Variants in PIWIL4 observed in about 807,000 individuals in gnomAD.
The protein encoded by PIWIL4 is piwi like RNA-mediated gene silencing 4.
A neutral mutation model predicts 100.9 loss-of-function variants in PIWIL4; 50 were observed. That is an observed-to-expected ratio of 0.50 (90% CI 0.39 to 0.63). PIWIL4 has a LOEUF of 0.63. PIWIL4 is among the 20% of genes least tolerant of loss of function. The pLI is 0.00. For synonymous variants in PIWIL4, 342 were observed against 367.5 expected (o/e 0.93, Z 0.79); for missense variants, 887 against 1,043.3 (o/e 0.85, Z 2.06).
Position 94,595,310 on chromosome 11 carries a change from G to T in PIWIL4, c.1152G>T (p.Gly384=). The T allele has an allele frequency of 6.2e-7, 1 of 1,612,608 alleles. No individual in the cohort carries two copies. Among genetic ancestry groups the T allele is most frequent in the Non-Finnish European group, 8.5e-7 (1 of 1,178,832 alleles). ...HLIPELCFLT[G]LTDQATSDFQ... ...TTTGTCTTCATTTGCATTTAATAGGGCTGACTGACCAGGCAACATCTGATT... is the reference window on the plus strand; with the variant it reads ...TTTGTCTTCATTTGCATTTAATAGGTCTGACTGACCAGGCAACATCTGATT... Residue 384 remains glycine (G), a splice_region_variant and synonymous_variant, in exon 10 of 20, where the codon GGG becomes GGT. Coordinates refer to ENST00000299001, the MANE Select transcript of PIWIL4 (RefSeq NM_152431.3).
intron 5 of PIWIL4, among the ~76,000 whole-genome samples, chr11:94,583,810 G>T (rs1463365870): frequency 6.6e-6 from 1 of 152,182 alleles, no homozygotes; most frequent in African/African-American, 2.4e-5. Context: ...ATAATACGGG[G>T]ATTATTGCTG....
intron 2 of PIWIL4, 39 bp downstream of exon 2, chr11:94,568,847 C>G: frequency 2.6e-6 from 4 of 1,527,212 alleles, no homozygotes; most frequent in Non-Finnish European, 3.6e-6. Flanking sequence ...TACCATTCAA[C>G]CTGAATGGAG....
At chr11:94,587,952 T>A (rs1948426056) in intron 7 of PIWIL4, among the ~76,000 whole-genome samples, 1 of 152,240 alleles carries the variant, frequency 6.6e-6, no homozygotes, top group Non-Finnish European at 1.5e-5. Flanking sequence ...GAACACTTTT[T>A]AAAAATTTTT....
chr11:94,584,928 G>T (rs1948377843), intron 5 of PIWIL4, among the ~76,000 whole-genome samples: 1 of 152,180 alleles, frequency 6.6e-6, no homozygotes, highest in Non-Finnish European at 1.5e-5. Flanking sequence ...GCCGGGCGTG[G>T]TGGCGCTCTT....
At chr11:94,601,562 G>A (rs1401679611) in intron 11 of PIWIL4, among the ~76,000 whole-genome samples, 2 of 152,184 alleles carry the variant, frequency 1.3e-5, no homozygotes, top group East Asian at 1.9e-4. Flanking sequence ...AGGTTAAAGG[G>A]ACCTCCAAGG....
chr11:94,601,989 C>T lies in PIWIL4; in HGVS notation c.1565+10C>T. On this transcript the variant is annotated intron_variant, in intron 12 of 19. Transcript: ENST00000299001. Reference sequence around the variant, plus strand: ...TGGACTACCCCAAAATGTGAGAATACATTGAATTTTGTTCATATATTAATT... The same window carrying T: ...TGGACTACCCCAAAATGTGAGAATATATTGAATTTTGTTCATATATTAATT... The T allele has an allele frequency of 6.3e-7, 1 of 1,593,362 alleles. No individual in the cohort carries two copies. The highest frequency in any genetic ancestry group is 8.5e-7 in the Non-Finnish European group (1 of 1,172,732).
At chr11:94,579,407 A>G (rs993047877) in intron 4 of PIWIL4, among the ~76,000 whole-genome samples, 2 of 150,650 alleles carry the variant, frequency 1.3e-5, no homozygotes, top group African/African-American at 5.0e-5. Flanking sequence ...CAATGTTACA[A>G]TTACTACAAG....
intron 2 of PIWIL4, among the ~76,000 whole-genome samples, chr11:94,574,202 G>A (rs1165408159): frequency 6.6e-6 from 1 of 152,206 alleles, no homozygotes; most frequent in Non-Finnish European, 1.5e-5. Context: ...TAAGTGATAT[G>A]CCCTGAGGTG....
At chr11:94,603,189 T>C (rs991297399) in intron 12 of PIWIL4, among the ~76,000 whole-genome samples, 5 of 151,760 alleles carry the variant, frequency 3.3e-5, no homozygotes, top group Non-Finnish European at 5.9e-5. Flanking sequence ...GTCAGGACCA[T>C]CTAGTTGCTG....
chr11:94,577,589 A>G (rs1948256147), intron 4 of PIWIL4, 97 bp downstream of exon 4: 20 of 972,906 alleles, frequency 2.1e-5, no homozygotes, highest in Non-Finnish European at 2.6e-5. Flanking sequence ...GGAGATTCCA[A>G]AAGGTTTGTG....
chr11:94,609,083 C>T (rs927197306), intron 15 of PIWIL4, among the ~76,000 whole-genome samples: 1 of 152,196 alleles, frequency 6.6e-6, no homozygotes, highest in Non-Finnish European at 1.5e-5. Context: ...CTTACTTACT[C>T]TGTGACTGAG....
At chr11:94,596,118 C>G (rs927564644) in intron 10 of PIWIL4, among the ~76,000 whole-genome samples, 5 of 151,862 alleles carry the variant, frequency 3.3e-5, no homozygotes, top group Admixed American at 6.6e-5. Context: ...ATATTTAAAA[C>G]GTAATTTCAC....
chr11:94,589,338 C>G (rs1487774794), intron 8 of PIWIL4, 106 bp downstream of exon 8: 1 of 868,744 alleles, frequency 1.2e-6, no homozygotes, highest in Non-Finnish European at 1.8e-6. Context: ...AGTCTGCCTC[C>G]GACCTGATTC....
intron 5 of PIWIL4, among the ~76,000 whole-genome samples, chr11:94,584,652 C>T (rs573001632): frequency 1.3e-5 from 2 of 152,274 alleles, no homozygotes; most frequent in African/African-American, 2.4e-5. Flanking sequence ...ACAGTTGAAA[C>T]GCGTTTCCTG....
chr11:94,577,171 T>C (rs1418429141), intron 3 of PIWIL4, 107 bp from the exon 4 acceptor site: 1 of 916,728 alleles, frequency 1.1e-6, no homozygotes, highest in Non-Finnish European at 1.6e-6. Context: ...AATCCTTGCT[T>C]TAAAGCAACT....
Position 94,568,754 on chromosome 11 carries a change from A to C in PIWIL4, c.112A>C (p.Asn38His). ...GCCTAGATCTGTTGATCTTAGTAAC[A>C]ATGAAGCATCCTCTAGCAATGGCTT... Reference protein sequence around the residue: ...PLPRSVDLSNNEASSSNGFLG... With the variant: ...PLPRSVDLSNHEASSSNGFLG... The change falls in exon 2 of 20, where the codon AAT becomes CAT. Residue 38 changes from asparagine (N) to histidine (H), a missense_variant. Physicochemically the swap from Asn to His is moderately conservative, Grantham distance 68 (BLOSUM62 1). Transcript: ENST00000299001. 1 of 1,609,240 alleles carries C rather than the reference A, an allele frequency of 6.2e-7. No homozygotes were observed. The highest frequency in any genetic ancestry group is 8.5e-7 in the Non-Finnish European group (1 of 1,175,566).
intron 15 of PIWIL4, among the ~76,000 whole-genome samples, chr11:94,611,722 T>C (rs1340900400): frequency 6.6e-6 from 1 of 151,368 alleles, no homozygotes. Flanking sequence ...GCATGTCTCT[T>C]GATCTCTCTC....
chr11:94,594,879 G>A (rs1312336152), intron 9 of PIWIL4, among the ~76,000 whole-genome samples: 1 of 152,088 alleles, frequency 6.6e-6, no homozygotes, highest in Non-Finnish European at 1.5e-5. Context: ...AGGTCTGCAG[G>A]ACCCAATACA....
At position 94,593,496 on chromosome 11, in the gene PIWIL4, T is replaced by A. The variant is rs545301118; in HGVS notation, c.1027-22T>A. The A allele has an allele frequency of 1.4e-5, 22 of 1,607,830 alleles. No individual in the cohort carries two copies. In the East Asian group the frequency reaches 4.9e-4, roughly 36 times the overall value. Reference sequence around the variant, plus strand: ...CGGTGCTTCCATGTTAACTTTTTACTTATTAATCTTGCATTTTATAGCAGT... The same window carrying A: ...CGGTGCTTCCATGTTAACTTTTTACATATTAATCTTGCATTTTATAGCAGT... On this transcript the variant is annotated intron_variant, in intron 8 of 19. Transcript: ENST00000299001.
Sources: gnomAD v4.1 joint callset for allele counts (sites outside exome capture counted in the v4.1 genomes callset) on GRCh38, gnomAD v4.1.1 for gene constraint, MANE v1.5 for transcripts, NCBI Gene and HGNC (gene_info 2026-07-23, HGNC 2026-07-21) for gene names.